PKP2: variants seen among roughly 807,000 people sequenced by gnomAD.
PKP2 encodes the protein plakophilin 2, also known as plakophilin-2.
In PKP2, 73 loss-of-function variants were observed where a neutral mutation model predicts 83.4. The observed-to-expected ratio is 0.88, with a 90% CI of 0.72 to 1.06. PKP2 has a LOEUF of 1.06. PKP2 is among the 50% of genes least tolerant of loss of function. The pLI is 0.00. For synonymous variants in PKP2, 409 were observed against 430.4 expected, an observed-to-expected ratio of 0.95 and a Z score of 0.62; for missense variants, 966 against 1,065.4, an observed-to-expected ratio of 0.91 and a Z score of 1.30.
At chr12:32,800,518 G>A (rs181878765) in intron 10 of PKP2, among the ~76,000 whole-genome samples, 1 of 152,284 alleles carries the variant, frequency 6.6e-6, no homozygotes, top group African/African-American at 2.4e-5. Context: ...TAAAGCCAGA[G>A]TGCTGTAGTT....
intron 4 of PKP2, among the ~76,000 whole-genome samples, chr12:32,851,841 A>C (rs986301747): frequency 1.3e-5 from 2 of 152,254 alleles, no homozygotes; most frequent in East Asian, 1.9e-4. Context: ...AAGCACTTTA[A>C]GCAGATAAAA....
intron 9 of PKP2, among the ~76,000 whole-genome samples, chr12:32,819,289 AATAC>A (rs1565579749): frequency 0.035 from 5,064 of 145,874 alleles, 356 homozygotes; most frequent in African/African-American, 0.12. Context: ...AAATAAATAC[AATAC>A]AATACAATAC....
intron 6 of PKP2, among the ~76,000 whole-genome samples, chr12:32,839,355 AT>A (rs1326278895): frequency 1.4e-5 from 2 of 146,862 alleles, no homozygotes; most frequent in East Asian, 3.9e-4. Flanking sequence ...TGGCACAATC[AT>A]TTTAAGAAAG....
intron 4 of PKP2, among the ~76,000 whole-genome samples, chr12:32,856,645 C>T (rs778699093): frequency 2.3e-4 from 35 of 151,720 alleles, no homozygotes; most frequent in Non-Finnish European, 4.9e-4. Flanking sequence ...GGAGATATAC[C>T]TAATGTAAAT....
intron 5 of PKP2, 151 bp downstream of exon 5, chr12:32,850,615 C>T: frequency 1.4e-6 from 1 of 702,794 alleles, no homozygotes; most frequent in Non-Finnish European, 2.5e-6. Flanking sequence ...GAGTCTAAGC[C>T]AGCAGGTAAC....
At chr12:32,808,613 T>C (rs751939758) in intron 9 of PKP2, among the ~76,000 whole-genome samples, 15 of 152,342 alleles carry the variant, frequency 9.8e-5, no homozygotes, top group Non-Finnish European at 1.8e-4. Context: ...CTCTGTCTTT[T>C]TGAGTTTCAG....
In PKP2 at chr12:32,828,937, TG is replaced by T. The variant is rs372425409; in HGVS notation, c.1557-4776del. Among the ~76,000 whole-genome samples, 428 of 151,296 alleles carry T rather than the reference TG, an allele frequency of 2.8e-3. 1 individual carries two copies. The highest frequency in any genetic ancestry group is 9.3e-3 in the African/African-American group (381 of 41,058). The stretch of plus-strand genomic sequence containing the variant: ...ACTTTAGGAGGCAGAAATTTTTTTT[TG>T]TTTTGTTTTGTTTTTTTGAGATAGT... On this transcript the variant is annotated intron_variant, in intron 6 of 12. Coordinates refer to ENST00000340811, the MANE Select transcript of PKP2 (RefSeq NM_001005242.3).
rs786204389 is a variant in PKP2 at position 32,878,545 on chromosome 12, T to A, written c.337-2A>T. ...TTCATAAGTGGCAGTTGTGCCAGCC[T>A]GCACATGAGAGAAATAAAGTTTAAA... On this transcript the variant is annotated splice_acceptor_variant, in intron 2 of 12. Coordinates refer to ENST00000340811, the MANE Select transcript of PKP2 (RefSeq NM_001005242.3). LOFTEE classifies it high-confidence loss of function. 1.2e-5 allele frequency: 20 copies of A among 1,610,136 alleles called. No individual in the cohort carries two copies. The highest frequency in any genetic ancestry group is 1.5e-5 in the Non-Finnish European group (18 of 1,177,826).
chr12:32,889,655 T>C (rs1591833464), intron 1 of PKP2, among the ~76,000 whole-genome samples: 1 of 152,208 alleles, frequency 6.6e-6, no homozygotes, highest in East Asian at 1.9e-4. Flanking sequence ...GTGAGTATGA[T>C]AGTCACATAC....
At position 32,806,068 on chromosome 12, in the gene PKP2, G is replaced by T. The variant is rs115871974; in HGVS notation, c.2014-3512C>A. Among the ~76,000 whole-genome samples, 699 of 152,300 alleles carry T rather than the reference G, an allele frequency of 4.6e-3. 3 individuals are homozygous for T. Among genetic ancestry groups the T allele is most frequent in the African/African-American group, 0.016 (648 of 41,556 alleles). ...TGCATCCTGGGGATGAAACCCACTT[G>T]ATGGTGGTGGATAAGCTTTTTGATA... On this transcript the variant is annotated intron_variant, in intron 9 of 12. Coordinates refer to ENST00000340811, the MANE Select transcript of PKP2 (RefSeq NM_001005242.3).
rs770584138 is a variant in PKP2 at position 32,819,307 on chromosome 12, A to G, written c.2013+2049T>C. 3.2e-4 allele frequency among the ~76,000 whole-genome samples: 15 copies of G among 46,874 alleles called. 1 individual carries two copies. In the South Asian group the frequency reaches 0.01, roughly 32 times the overall value. The allele number at this position is 46,874 out of a possible 152,430, so 30.8% of individuals were successfully genotyped here. ...TAAATACAATACAATACAATACAAT[A>G]CAATACAATAAAATAAAATAAAATA... On this transcript the variant is annotated intron_variant, in intron 9 of 12. Coordinates refer to ENST00000340811, the MANE Select transcript of PKP2 (RefSeq NM_001005242.3).
Position 32,812,439 on chromosome 12 carries a change from G to T in PKP2, c.2013+8917C>A, listed in dbSNP as rs114042765. 3.9e-3 allele frequency among the ~76,000 whole-genome samples: 595 copies of T among 152,190 alleles called. 3 individuals are homozygous for T. The highest frequency in any genetic ancestry group is 0.014 in the African/African-American group (573 of 41,524). On this transcript the variant is annotated intron_variant, in intron 9 of 12. Transcript: ENST00000340811. ...CAGTTTATTTACTGGTTGATGATTA[G>T]TCATCTTTTCTGTTTCTTCTTGTTC...
At chr12:32,865,577 T>G (rs1956840824) in intron 4 of PKP2, among the ~76,000 whole-genome samples, 1 of 150,050 alleles carries the variant, frequency 6.7e-6, no homozygotes, top group East Asian at 2.0e-4. Context: ...TCCCAGCTAC[T>G]TGGGAGGCTG....
chr12:32,841,282 A>G (rs531135027), intron 5 of PKP2, 77 bp from the exon 6 acceptor site: 2 of 1,218,628 alleles, frequency 1.6e-6, no homozygotes, highest in African/African-American at 3.0e-5. Context: ...AGTCAAGGCC[A>G]TCAACTCCAG....
At chr12:32,850,120 G>A (rs1162952174) in intron 5 of PKP2, among the ~76,000 whole-genome samples, 2 of 152,228 alleles carry the variant, frequency 1.3e-5, no homozygotes, top group Non-Finnish European at 2.9e-5. Context: ...AAAGTGGGCT[G>A]TTAGTGAATT....
chr12:32,825,652 C>T (rs1956432159), intron 6 of PKP2, among the ~76,000 whole-genome samples: 1 of 152,168 alleles, frequency 6.6e-6, no homozygotes, highest in Admixed American at 6.5e-5. Flanking sequence ...CCTGTAATCC[C>T]AGCATTCTGG....
At chr12:32,793,983 T>A (rs1272094215) in intron 11 of PKP2, among the ~76,000 whole-genome samples, 2 of 152,220 alleles carry the variant, frequency 1.3e-5, no homozygotes, top group Non-Finnish European at 2.9e-5. Context: ...ATCACCTGAT[T>A]AGCACATGGC....
At chr12:32,858,085 ATAT>A (rs147960743) in intron 4 of PKP2, among the ~76,000 whole-genome samples, 9,505 of 42,204 alleles carry the variant, frequency 0.23, 1,736 homozygotes, top group Non-Finnish European at 0.3. Flanking sequence ...AAAAAAAAAA[ATAT>A]ATATATATAT....
chr12:32,809,116 G>A (rs1956253385), intron 9 of PKP2, among the ~76,000 whole-genome samples: 1 of 152,146 alleles, frequency 6.6e-6, no homozygotes, highest in South Asian at 2.1e-4. Context: ...AGGCAAGCTG[G>A]AACAGCTCAG....
Sources: allele counts gnomAD v4.1 joint callset (sites outside exome capture counted in the v4.1 genomes callset), GRCh38; gene constraint gnomAD v4.1.1; transcripts MANE v1.5; gene names NCBI Gene and HGNC (gene_info 2026-07-23, HGNC 2026-07-21).